DCDC2C: variants seen among roughly 807,000 people sequenced by gnomAD.
The protein encoded by DCDC2C is doublecortin domain-containing protein 2C.
Under a neutral mutation model 45.0 loss-of-function variants are expected in DCDC2C, and 44 were observed. That is an observed-to-expected ratio of 0.98 (90% CI 0.77 to 1.26). The LOEUF is 1.26. Ranked by LOEUF, DCDC2C falls within the 50% of genes most tolerant of loss-of-function variation. The pLI is 0.00. For synonymous variants in DCDC2C, 187 were observed against 178.8 expected (o/e 1.05, Z -0.37); for missense variants, 447 against 468.9 (o/e 0.95, Z 0.43).
chr2:3,721,368 T>C (rs1668500092), intron 2 of DCDC2C, among the ~76,000 whole-genome samples: 1 of 152,196 alleles, frequency 6.6e-6, no homozygotes, highest in Non-Finnish European at 1.5e-5. Flanking sequence ...TGGTGCTGAA[T>C]ATATGAGAGT....
chr2:3,771,655 G>T (rs757504853), intron 8 of DCDC2C, among the ~76,000 whole-genome samples: 1 of 152,188 alleles, frequency 6.6e-6, no homozygotes, highest in Admixed American at 6.5e-5. Flanking sequence ...CTTTCCTATG[G>T]AGCAGGAACA....
intron 3 of DCDC2C, among the ~76,000 whole-genome samples, chr2:3,740,560 T>C (rs1372930990): frequency 3.9e-5 from 6 of 152,252 alleles, no homozygotes; most frequent in Admixed American, 1.3e-4. Context: ...GTAATCTATA[T>C]TTAGAAAAAC....
intron 10 of DCDC2C, among the ~76,000 whole-genome samples, chr2:3,815,882 T>C (rs1671546270): frequency 6.6e-6 from 1 of 152,228 alleles, no homozygotes; most frequent in East Asian, 1.9e-4. Context: ...GATGTATACA[T>C]GCAGGTCACA....
intron 10 of DCDC2C, among the ~76,000 whole-genome samples, chr2:3,841,814 A>G (rs1672221538): frequency 6.6e-6 from 1 of 152,262 alleles, no homozygotes; most frequent in Non-Finnish European, 1.5e-5. Context: ...GCACATAGTC[A>G]TACATCACTG....
At chr2:3,846,683 T>C (rs935090831) in intron 10 of DCDC2C, among the ~76,000 whole-genome samples, 14 of 152,186 alleles carry the variant, frequency 9.2e-5, no homozygotes, top group Non-Finnish European at 1.9e-4. Context: ...GTGGTCTTGG[T>C]ACTAGGAGGA....
chr2:3,776,129 C>G (rs149771768), intron 8 of DCDC2C, among the ~76,000 whole-genome samples: 402 of 152,344 alleles, frequency 2.6e-3, no homozygotes, highest in Non-Finnish European at 4.1e-3. Context: ...CGCTCAGAAC[C>G]TCTCAGGACT....
At chr2:3,760,690 A>C (rs928043099) in intron 6 of DCDC2C, among the ~76,000 whole-genome samples, 1 of 152,054 alleles carries the variant, frequency 6.6e-6, no homozygotes, top group East Asian at 1.9e-4. Context: ...GGGTGAGGGG[A>C]AAGGGGAGGG....
Position 3,759,556 on chromosome 2 carries a change from C to T in DCDC2C, c.726+4922C>T, listed in dbSNP as rs941986750. On this transcript the variant is annotated intron_variant, in intron 6 of 10. Transcript: ENST00000399143. The stretch of plus-strand genomic sequence containing the variant: ...GGACGTGGGAGAAGTCAAGACCGAC[C>T]TCAGGATTCCAGGGATGGCGGGAGG... 1.1e-4 allele frequency among the ~76,000 whole-genome samples: 16 copies of T among 152,096 alleles called. No individual in the cohort carries two copies. In the East Asian group the frequency reaches 3.1e-3, roughly 29 times the overall value.
At chr2:3,847,104 A>G in intron 10 of DCDC2C, 50 bp from the exon 11 acceptor site, 1 of 1,208,020 alleles carries the variant, frequency 8.3e-7, no homozygotes, top group Non-Finnish European at 1.0e-6. Flanking sequence ...CTGTGGCCAG[A>G]TCACAGCTTG....
At chr2:3,732,838 G>A (rs1217575597) in intron 3 of DCDC2C, among the ~76,000 whole-genome samples, 4 of 152,168 alleles carry the variant, frequency 2.6e-5, no homozygotes, top group Non-Finnish European at 5.9e-5. Flanking sequence ...AACACCCATG[G>A]CCATAGACAA....
intron 10 of DCDC2C, among the ~76,000 whole-genome samples, chr2:3,804,841 T>A (rs1032891218): frequency 6.6e-6 from 1 of 152,192 alleles, no homozygotes; most frequent in Non-Finnish European, 1.5e-5. Context: ...TCCTAAACCA[T>A]GGTAATGCGG....
At position 3,711,888 on chromosome 2, in the gene DCDC2C, A is replaced by T. The variant is rs141024254; in HGVS notation, c.339+3288A>T. ...CTTCTGACAGCGTGTGAGATGCCCA[A>T]CACCACCCTCTGGGGTCGTGGGGAT... is the stretch of plus-strand genomic sequence containing the variant. On this transcript the variant is annotated intron_variant, in intron 2 of 10. Transcript: ENST00000399143. 9.2e-5 allele frequency among the ~76,000 whole-genome samples: 14 copies of T among 152,288 alleles called. No homozygotes were observed. In the East Asian group the frequency reaches 2.5e-3, roughly 27 times the overall value.
At chr2:3,717,043 GCTCTT>G (rs1406292605) in intron 2 of DCDC2C, among the ~76,000 whole-genome samples, 6 of 152,102 alleles carry the variant, frequency 3.9e-5, no homozygotes, top group Non-Finnish European at 8.8e-5. Flanking sequence ...CTCTTCTGAA[GCTCTT>G]CTCTTCTCAT....
intron 9 of DCDC2C, among the ~76,000 whole-genome samples, chr2:3,784,835 A>G (rs1040024847): frequency 6.6e-6 from 1 of 152,256 alleles, no homozygotes; most frequent in Non-Finnish European, 1.5e-5. Context: ...ACATAAAAAC[A>G]AAGAATTTAG....
chr2:3,755,569 ATG>A (rs1159887149), intron 6 of DCDC2C, among the ~76,000 whole-genome samples: 1 of 149,948 alleles, frequency 6.7e-6, no homozygotes, highest in Non-Finnish European at 1.5e-5. Context: ...GCATATGACT[ATG>A]TGTGTGTACA....
chr2:3,840,696 T>G (rs962095482), intron 10 of DCDC2C, among the ~76,000 whole-genome samples: 1 of 152,216 alleles, frequency 6.6e-6, no homozygotes, highest in Non-Finnish European at 1.5e-5. Context: ...TTGTTTCTGG[T>G]ATCTCTCAAG....
At chr2:3,840,185 T>G (rs981694164) in intron 10 of DCDC2C, among the ~76,000 whole-genome samples, 2 of 152,244 alleles carry the variant, frequency 1.3e-5, no homozygotes, top group South Asian at 4.1e-4. Flanking sequence ...TTACTGCTAT[T>G]TACTATTGAG....
chr2:3,791,990 AT>A (rs58613923), intron 10 of DCDC2C, among the ~76,000 whole-genome samples: 72,005 of 151,176 alleles, frequency 0.48, 17,804 homozygotes, highest in East Asian at 0.82. Context: ...TTATTAGTTC[AT>A]TTTTTTTTTA....
intron 10 of DCDC2C, among the ~76,000 whole-genome samples, chr2:3,801,243 G>C (rs1319633015): frequency 1.3e-5 from 2 of 152,232 alleles, no homozygotes; most frequent in Non-Finnish European, 2.9e-5. Flanking sequence ...TGTGGACAGA[G>C]GTATTGCAGA....
Sources: gnomAD v4.1 joint callset for allele counts (sites outside exome capture counted in the v4.1 genomes callset) on GRCh38, gnomAD v4.1.1 for gene constraint, MANE v1.5 for transcripts, NCBI Gene and HGNC (gene_info 2026-07-23, HGNC 2026-07-21) for gene names.